The following MYO10 variants were observed in gnomAD, a reference collection of about 807,000 sequenced individuals.
The protein encoded by MYO10 is unconventional myosin-X.
Under a neutral mutation model 257.3 loss-of-function variants are expected in MYO10, and 133 were observed. That is an observed-to-expected ratio of 0.52 (90% confidence interval 0.45 to 0.60). The LOEUF is 0.60. Among genes scored for constraint, MYO10 ranks in the 20% least tolerant of loss-of-function variants. MYO10 has a pLI of 0.00. For synonymous variants in MYO10, 1,104 were observed against 1,028.6 expected (o/e 1.07, Z -1.40); for missense variants, 2,399 against 2,635.7 (o/e 0.91, Z 1.97).
intron 1 of MYO10, among the ~76,000 whole-genome samples, chr5:16,891,149 C>A (rs561215368): frequency 1.3e-5 from 2 of 151,496 alleles, no homozygotes; most frequent in African/African-American, 4.9e-5. Context: ...ATTAGCCAGG[C>A]GCGGTAGCAG....
At chr5:16,727,396 ACT>A (rs1427739366) in intron 19 of MYO10, among the ~76,000 whole-genome samples, 1 of 152,218 alleles carries the variant, frequency 6.6e-6, no homozygotes, top group Non-Finnish European at 1.5e-5. Context: ...GTATAAATAC[ACT>A]GTCAGACTAT....
chr5:16,735,698 A>AC (rs34304211), intron 19 of MYO10, among the ~76,000 whole-genome samples: 25,802 of 150,062 alleles, frequency 0.17, 2,385 homozygotes, highest in South Asian at 0.22. Context: ...AAAAAAAAAA[A>AC]AAAAACCCAA....
At chr5:16,876,848 C>A (rs918591829) in intron 2 of MYO10, among the ~76,000 whole-genome samples, 1 of 152,290 alleles carries the variant, frequency 6.6e-6, no homozygotes, top group Admixed American at 6.5e-5. Flanking sequence ...AGCCACTGTG[C>A]CCAGCCTGAA....
intron 2 of MYO10, among the ~76,000 whole-genome samples, chr5:16,848,735 C>T (rs1319562096): frequency 4.0e-5 from 6 of 151,414 alleles, no homozygotes; most frequent in African/African-American, 1.5e-4. Context: ...AGTTTGTCTA[C>T]AGCGGCACCA....
chr5:16,748,354 C>T (rs1432393862), intron 19 of MYO10, among the ~76,000 whole-genome samples: 2 of 152,182 alleles, frequency 1.3e-5, no homozygotes, highest in Admixed American at 6.5e-5. Context: ...AAACAACTCT[C>T]GTGCCTCAGC....
chr5:16,839,740 CA>C (rs558844758), intron 2 of MYO10, among the ~76,000 whole-genome samples: 3 of 151,068 alleles, frequency 2.0e-5, no homozygotes, highest in African/African-American at 7.3e-5. Flanking sequence ...AACTCTGTCT[CA>C]AAAAAAATAA....
chr5:16,713,376 T>C, intron 19 of MYO10: 5 of 985,882 alleles, frequency 5.1e-6, no homozygotes, highest in Middle Eastern at 1.0e-3. Context: ...GTTTGGCTCT[T>C]GGGCCAAAAT....
At position 16,879,130 on chromosome 5, in the gene MYO10, T is replaced by G. The variant is rs1048962669; in HGVS notation, c.22-1423A>C. On this transcript the variant is annotated intron_variant, in intron 1 of 40. Transcript: ENST00000513610. ...AACAAAAATGACACCAAGCACATCC[T>G]TATGAATCAATGTATTCAAGTGGAA... Among the ~76,000 whole-genome samples the G allele has an allele frequency of 2.0e-5, 3 of 152,324 alleles. No homozygotes were observed. In the East Asian group the frequency reaches 5.8e-4, roughly 29 times the overall value.
chr5:16,888,183 C>A (rs1744945472), intron 1 of MYO10, among the ~76,000 whole-genome samples: 1 of 152,108 alleles, frequency 6.6e-6, no homozygotes, highest in South Asian at 2.1e-4. Flanking sequence ...CCTAACACCC[C>A]CTCCCCAATC....
At position 16,753,419 on chromosome 5, in the gene MYO10, G is replaced by A. The variant is rs534103845; in HGVS notation, c.1929+1409C>T. On this transcript the variant is annotated intron_variant, in intron 19 of 40. Coordinates refer to ENST00000513610, the MANE Select transcript of MYO10 (RefSeq NM_012334.3). Reference sequence around the variant, plus strand: ...CCTGACCTTGTGATCCACCCGCCTCGGCCTCCCAAAGTGCTGGGATTACAG... The same window carrying A: ...CCTGACCTTGTGATCCACCCGCCTCAGCCTCCCAAAGTGCTGGGATTACAG... 1.3e-4 allele frequency among the ~76,000 whole-genome samples: 20 copies of A among 150,740 alleles called. No homozygotes were observed. The South Asian group carries it at 3.8e-3, about 29-fold the overall frequency.
chr5:16,761,336 T>C, intron 17 of MYO10, 128 bp downstream of exon 17: 4 of 733,246 alleles, frequency 5.5e-6, no homozygotes, highest in Admixed American at 2.4e-5. Flanking sequence ...ATTGATGAAG[T>C]ATTACCTGGG....
In MYO10 at chr5:16,662,314, C is replaced by CTCTTT. The variant is rs1199270809; in HGVS notation, c.*4377_*4378insAAAGA. ...AAAAGTGCTGTCTTAGATTTCTGAA[C>CTCTTT]TATTTTTTTTTTTTTTTTTTTTTTT... is the stretch of plus-strand genomic sequence containing the variant. On this transcript the variant is annotated 3_prime_UTR_variant, in exon 41 of 41. Coordinates refer to ENST00000513610, the MANE Select transcript of MYO10 (RefSeq NM_012334.3). The CTCTTT allele has an allele frequency of 2.5e-5, 1 of 39,670 alleles. No homozygotes were observed. The highest frequency in any genetic ancestry group is 4.8e-5 in the Non-Finnish European group (1 of 20,982). 2.5% of individuals were successfully genotyped at this position (39,670 alleles called of 1,614,324 possible).
intron 19 of MYO10, among the ~76,000 whole-genome samples, chr5:16,720,444 T>A (rs1739108284): frequency 6.6e-6 from 1 of 151,782 alleles, no homozygotes; most frequent in Non-Finnish European, 1.5e-5. Flanking sequence ...TTATTTTATT[T>A]ATTTTATTTT....
chr5:16,808,368 G>A (rs1742337494), intron 3 of MYO10, among the ~76,000 whole-genome samples: 1 of 152,182 alleles, frequency 6.6e-6, no homozygotes. Flanking sequence ...AGCTACTTGG[G>A]AAGCTGAGGT....
rs925138698 is a variant in MYO10 at position 16,703,141 on chromosome 5, A to T, written c.2294T>A (p.Val765Asp). The change falls in exon 23 of 41, where the codon GTC becomes GAC. Residue 765 changes from valine to aspartate, a missense_variant. By Grantham distance (152) the Val-to-Asp change is radical (BLOSUM62 -3). Transcript: ENST00000513610. Reference sequence around the variant, plus strand: ...CTGTATTATCACCACACAATAAAGGACCTTTCTGTATTGTTTTCTGAAAAT... The same window carrying T: ...CTGTATTATCACCACACAATAAAGGTCCTTTCTGTATTGTTTTCTGAAAAT... ...GFLARKQYRK[V>D]LYCVVIIQKN... The T allele has an allele frequency of 1.4e-5, 23 of 1,595,774 alleles. No individual in the cohort carries two copies. The highest frequency in any genetic ancestry group is 1.9e-5 in the Non-Finnish European group (22 of 1,170,254).
At chr5:16,889,656 A>T (rs1214816557) in intron 1 of MYO10, among the ~76,000 whole-genome samples, 1 of 151,850 alleles carries the variant, frequency 6.6e-6, no homozygotes, top group Non-Finnish European at 1.5e-5. Context: ...AAACTGTCCC[A>T]CTAAGAACTC....
intron 28 of MYO10, among the ~76,000 whole-genome samples, chr5:16,686,107 T>C (rs535987799): frequency 6.6e-6 from 1 of 152,230 alleles, no homozygotes; most frequent in East Asian, 1.9e-4. Flanking sequence ...TTACAGACAT[T>C]TGACGATGAT....
chr5:16,872,421 G>C (rs1370102565), intron 2 of MYO10, among the ~76,000 whole-genome samples: 1 of 152,114 alleles, frequency 6.6e-6, no homozygotes, highest in Admixed American at 6.6e-5. Context: ...TTTCAGTGCT[G>C]CAAGATGAAA....
chr5:16,913,155 C>T (rs1436767415), intron 1 of MYO10, among the ~76,000 whole-genome samples: 2 of 134,776 alleles, frequency 1.5e-5, no homozygotes, highest in Non-Finnish European at 3.2e-5. Flanking sequence ...TTTCTCACTT[C>T]CAAGATTAGG....
Sources: allele counts gnomAD v4.1 joint callset (sites outside exome capture counted in the v4.1 genomes callset), GRCh38; gene constraint gnomAD v4.1.1; transcripts MANE v1.5; gene names NCBI Gene and HGNC (gene_info 2026-07-23, HGNC 2026-07-21).